ERC2: variants seen among roughly 807,000 people sequenced by gnomAD.
ERC2 encodes the protein ERC protein 2.
Under a neutral mutation model 114.8 loss-of-function variants are expected in ERC2, and 42 were observed. The ratio of observed to expected loss-of-function variants is 0.37; its 90% CI spans 0.29 to 0.47. ERC2 has a LOEUF of 0.47. Ranked by LOEUF, ERC2 falls within the 20% of genes least tolerant of loss-of-function variation. The probability of loss-of-function intolerance (pLI) is 0.99; values close to 1 mark genes in which losing one functional copy is unlikely to be tolerated. For missense variants in ERC2, 939 were observed against 1,150.7 expected, an observed-to-expected ratio of 0.82 and a Z score of 2.66; for synonymous variants, 454 against 425.5, an observed-to-expected ratio of 1.07 and a Z score of -0.82.
intron 1 of ERC2, among the ~76,000 whole-genome samples, chr3:56,459,451 C>G (rs578156242): frequency 3.3e-5 from 5 of 152,014 alleles, no homozygotes; most frequent in African/African-American, 9.7e-5. Flanking sequence ...TCATTCATGC[C>G]CTGAAATCAC....
intron 3 of ERC2, among the ~76,000 whole-genome samples, chr3:56,181,186 C>T (rs746224084): frequency 2.0e-4 from 30 of 152,134 alleles, no homozygotes; most frequent in Admixed American, 1.3e-4. Context: ...TACATGGAGG[C>T]GTGGAGAATC....
intron 2 of ERC2, among the ~76,000 whole-genome samples, chr3:56,322,178 T>C (rs1016759784): frequency 6.6e-6 from 1 of 152,224 alleles, no homozygotes; most frequent in Non-Finnish European, 1.5e-5. Flanking sequence ...ATGTATAAAC[T>C]GTTTCAGACA....
At chr3:56,448,473 A>G (rs565354649) in intron 1 of ERC2, among the ~76,000 whole-genome samples, 3 of 152,232 alleles carry the variant, frequency 2.0e-5, no homozygotes, top group Admixed American at 1.3e-4. Context: ...CCACCAAAAC[A>G]TTGTGGCCGG....
At chr3:56,319,929 C>T (rs2150418773) in intron 2 of ERC2, among the ~76,000 whole-genome samples, 1 of 152,324 alleles carries the variant, frequency 6.6e-6, no homozygotes, top group South Asian at 2.1e-4. Context: ...ATTTCCAAAA[C>T]TCACTAAAGA....
rs778299355 is a variant in ERC2 at position 55,952,136 on chromosome 3, A to AACACACAC, written c.2268-1584_2268-1577dup. ...CAACATAGCAAGGCCCCATCTCTAA[A>AACACACAC]ACACACACACACACACACACACACA... On this transcript the variant is annotated intron_variant, in intron 12 of 17. Transcript: ENST00000288221. 3.8e-3 allele frequency among the ~76,000 whole-genome samples: 289 copies of AACACACAC among 75,452 alleles called. 6 individuals carry two copies. Among genetic ancestry groups the AACACACAC allele is most frequent in the African/African-American group, 9.9e-3 (233 of 23,422 alleles). The allele number at this position is 75,452 out of a possible 152,430, so 49.5% of individuals were successfully genotyped here. A position where few individuals can be genotyped will look rare whatever the true frequency, so the allele number is the denominator to read the frequency against.
At chr3:55,627,721 G>C (rs1035798629) in intron 17 of ERC2, among the ~76,000 whole-genome samples, 2 of 152,108 alleles carry the variant, frequency 1.3e-5, no homozygotes, top group Non-Finnish European at 2.9e-5. Flanking sequence ...ACAAAAGAAA[G>C]TGTCTTTCCA....
intron 8 of ERC2, among the ~76,000 whole-genome samples, 181 bp downstream of exon 8, chr3:56,018,713 C>T (rs1299524710): frequency 3.9e-5 from 6 of 152,058 alleles, no homozygotes. Context: ...AGAAAATGCC[C>T]CTGACTGTAG....
intron 15 of ERC2, among the ~76,000 whole-genome samples, chr3:55,730,298 T>C (rs531278867): frequency 7.2e-5 from 11 of 152,304 alleles, no homozygotes; most frequent in Non-Finnish European, 1.6e-4. Context: ...GCTTTCCTTA[T>C]TGGGCCAGAC....
chr3:56,435,081 C>T lies in ERC2; in HGVS notation c.-74G>A, dbSNP rs1244121056. The T allele has an allele frequency of 1.8e-5, 21 of 1,181,762 alleles. No individual in the cohort carries two copies. The highest frequency in any genetic ancestry group is 6.1e-5 in the African/African-American group (4 of 65,068). The allele number at this position is 1,181,762 out of a possible 1,614,324, so 73.2% of individuals were successfully genotyped here. A position where few individuals can be genotyped will look rare whatever the true frequency, so the allele number is the denominator to read the frequency against. ...GTTGGGGTTTGAGCTAATATTTCCA[C>T]GATTGTCCAGAATTTTCACCGCATT... is the stretch of plus-strand genomic sequence containing the variant. On this transcript the variant is annotated 5_prime_UTR_variant, in exon 2 of 18. It adds an upstream start codon to the 5' untranslated region. Coordinates refer to ENST00000288221, the MANE Select transcript of ERC2 (RefSeq NM_015576.3).
Position 55,649,296 on chromosome 3 carries a change from T to C in ERC2, c.*39+34498A>G, listed in dbSNP as rs920701551. On this transcript the variant is annotated intron_variant, in intron 17 of 17. Transcript: ENST00000288221. ...TTTTTTTTGAGAGAGAGGCTCACTC[T>C]GTCTCCCAGGCTGGAGTGCAGTGGT... 2.7e-5 allele frequency among the ~76,000 whole-genome samples: 4 copies of C among 150,004 alleles called. No homozygotes were observed. In the South Asian group the frequency reaches 8.5e-4, roughly 32 times the overall value.
At chr3:55,916,723 A>ATATAC in intron 13 of ERC2, among the ~76,000 whole-genome samples, 1 of 152,088 alleles carries the variant, frequency 6.6e-6, no homozygotes, top group Non-Finnish European at 1.5e-5. Context: ...CTGCCTCTCC[A>ATATAC]AGCCACACTG....
intron 4 of ERC2, among the ~76,000 whole-genome samples, chr3:56,152,662 T>C (rs2081485548): frequency 6.6e-6 from 1 of 152,164 alleles, no homozygotes; most frequent in African/African-American, 2.4e-5. Context: ...TGTAAAGATG[T>C]AGAAAAAAAT....
At chr3:55,828,860 C>T (rs139157604) in intron 14 of ERC2, among the ~76,000 whole-genome samples, 1 of 152,252 alleles carries the variant, frequency 6.6e-6, no homozygotes, top group African/African-American at 2.4e-5. Context: ...ATATTCAGGC[C>T]TGGTGAGGTG....
chr3:55,994,222 A>T (rs1437967784), intron 10 of ERC2, among the ~76,000 whole-genome samples: 3 of 152,130 alleles, frequency 2.0e-5, no homozygotes, highest in African/African-American at 7.2e-5. Context: ...AGTAATGAGC[A>T]GCTGGAAGCC....
chr3:55,613,982 CAAAAAAAAAAAAAAAAA>C (rs60242810), intron 17 of ERC2, among the ~76,000 whole-genome samples: 26 of 62,280 alleles, frequency 4.2e-4, no homozygotes, highest in African/African-American at 1.5e-3. Flanking sequence ...GACTTCCTCT[CAAAAAAAAAAAAAAAAA>C]AAAAAAAAAA....
intron 2 of ERC2, among the ~76,000 whole-genome samples, chr3:56,382,333 C>T (rs1243842799): frequency 6.6e-6 from 1 of 152,102 alleles, no homozygotes; most frequent in African/African-American, 2.4e-5. Context: ...TGTCTCTCAT[C>T]TCAAAAAGGC....
chr3:56,111,231 GACA>G (rs146650889), intron 6 of ERC2, among the ~76,000 whole-genome samples: 20,346 of 151,940 alleles, frequency 0.13, 1,458 homozygotes, highest in East Asian at 0.15. Flanking sequence ...TCGTAGTTTA[GACA>G]AAAACAAGAC....
chr3:56,101,683 G>A (rs1051498549), intron 6 of ERC2, among the ~76,000 whole-genome samples: 1 of 152,164 alleles, frequency 6.6e-6, no homozygotes, highest in Admixed American at 6.5e-5. Context: ...CCAACAACTC[G>A]GGTTTCCTGA....
chr3:56,222,016 A>G (rs1171948296), intron 3 of ERC2, among the ~76,000 whole-genome samples: 1 of 152,234 alleles, frequency 6.6e-6, no homozygotes, highest in Non-Finnish European at 1.5e-5. Flanking sequence ...ACAAGAAGTA[A>G]TTGATGACTC....
Sources: gnomAD v4.1 joint callset for allele counts (sites outside exome capture counted in the v4.1 genomes callset) on GRCh38, gnomAD v4.1.1 for gene constraint, MANE v1.5 for transcripts, NCBI Gene and HGNC (gene_info 2026-07-23, HGNC 2026-07-21) for gene names.